Variants in VTI1A observed in about 807,000 individuals in gnomAD.
The protein encoded by VTI1A is vesicle transport through interaction with t-SNAREs homolog 1A.
In VTI1A, 22 loss-of-function variants were observed where a neutral mutation model predicts 34.9. The ratio of observed to expected loss-of-function variants is 0.63; its 90% confidence interval spans 0.45 to 0.90. The LOEUF (loss-of-function observed/expected upper bound fraction) is 0.90. Among genes scored for constraint, VTI1A ranks in the 40% least tolerant of loss-of-function variants. The pLI is 0.00. For missense variants in VTI1A, 268 were observed against 275.6 expected (o/e 0.97, Z 0.20); for synonymous variants, 87 against 97.3 (o/e 0.89, Z 0.62).
chr10:112,567,650 A>G (rs1851954951), intron 5 of VTI1A, among the ~76,000 whole-genome samples: 1 of 152,210 alleles, frequency 6.6e-6, no homozygotes, highest in African/African-American at 2.4e-5. Flanking sequence ...AGCTAAAACT[A>G]TGGCTTAGGA....
intron 3 of VTI1A, among the ~76,000 whole-genome samples, chr10:112,501,341 AT>A (rs1849225550): frequency 6.6e-6 from 1 of 152,124 alleles, no homozygotes; most frequent in African/African-American, 2.4e-5. Context: ...TCATCATAAC[AT>A]TTTCAGTTTT....
At chr10:112,537,311 GTATATATA>G (rs10682533) in intron 4 of VTI1A, among the ~76,000 whole-genome samples, 973 of 65,280 alleles carry the variant, frequency 0.015, 91 homozygotes, top group Admixed American at 0.035. Flanking sequence ...AAGTATCTAG[GTATATATA>G]TATATATATA....
downstream of VTI1A, among the ~76,000 whole-genome samples, chr10:112,821,748 C>G (rs1045816122): frequency 2.6e-5 from 4 of 152,190 alleles, no homozygotes; most frequent in Admixed American, 2.6e-4. Flanking sequence ...GGGACTGTTG[C>G]AAAATTCAAC....
At chr10:112,841,940 G>A in the VTI1A span, among the ~76,000 whole-genome samples, 11 of 151,970 alleles carry the variant, frequency 7.2e-5, no homozygotes, top group Non-Finnish European at 1.6e-4. Context: ...AAGGCCGGTG[G>A]AGGCAAGAGA....
At position 112,811,625 on chromosome 10, in the gene VTI1A, A is replaced by G. The variant is rs193127281; in HGVS notation, c.561-3665A>G. On this transcript the variant is annotated intron_variant, in intron 7 of 7. Coordinates refer to ENST00000393077, the MANE Select transcript of VTI1A (RefSeq NM_145206.4). ...CGTGAGCCCGGGAGGCGGAGCTTGCAGTGAGCCGAGATTGCGCCACTGCAC... is the reference window on the plus strand; with the variant it reads ...CGTGAGCCCGGGAGGCGGAGCTTGCGGTGAGCCGAGATTGCGCCACTGCAC... Among the ~76,000 whole-genome samples, 398 of 139,012 alleles carry G rather than the reference A, an allele frequency of 2.9e-3. 3 individuals carry two copies. Among genetic ancestry groups the G allele is most frequent in the African/African-American group, 9.7e-3 (365 of 37,526 alleles). 91.2% of individuals were successfully genotyped at this position (139,012 alleles called of 152,430 possible).
chr10:112,752,284 G>GC, intron 7 of VTI1A: 1 of 846,528 alleles, frequency 1.2e-6, no homozygotes. Context: ...CCTGGCTCCA[G>GC]CCAGGGTCCC....
chr10:112,595,296 C>A (rs1844583526), intron 5 of VTI1A, among the ~76,000 whole-genome samples: 1 of 148,692 alleles, frequency 6.7e-6, no homozygotes, highest in South Asian at 2.2e-4. Context: ...GCAACAAAAG[C>A]CAAAATTGAC....
intron 5 of VTI1A, among the ~76,000 whole-genome samples, chr10:112,597,227 G>T (rs891101687): frequency 6.6e-6 from 1 of 151,924 alleles, no homozygotes; most frequent in Non-Finnish European, 1.5e-5. Flanking sequence ...TTGTTTGTTT[G>T]TTTTTTTGAG....
chr10:112,831,341 T>C, the VTI1A span: 10 of 152,394 alleles, frequency 6.6e-5, no homozygotes, highest in African/African-American at 2.2e-4. Flanking sequence ...ACTTTCCTCC[T>C]GGACAAGAGG....
chr10:112,519,640 G>C (rs530882462), intron 3 of VTI1A, among the ~76,000 whole-genome samples: 7 of 152,102 alleles, frequency 4.6e-5, no homozygotes, highest in Non-Finnish European at 1.0e-4. Context: ...CTGTTGTGGC[G>C]GTGTAATAAA....
Position 112,785,269 on chromosome 10 carries a change from G to C in VTI1A, c.561-30021G>C, listed in dbSNP as rs559774891. On this transcript the variant is annotated intron_variant, in intron 7 of 7. Coordinates refer to ENST00000393077, the MANE Select transcript of VTI1A (RefSeq NM_145206.4). ...CTCCCCAGGAGCCTTCCTGAAGGCA[G>C]CCATTCCTTCAGAATCCTTGTCAGA... Among the ~76,000 whole-genome samples the C allele has an allele frequency of 7.2e-5, 11 of 152,350 alleles. No individual in the cohort carries two copies. In the South Asian group the frequency reaches 2.3e-3, roughly 32 times the overall value.
chr10:112,593,898 G>A (rs990078535), intron 5 of VTI1A, among the ~76,000 whole-genome samples: 6 of 77,762 alleles, frequency 7.7e-5, no homozygotes, highest in Admixed American at 2.8e-4. Context: ...CACCACGCCC[G>A]GCTAATTTTT....
At chr10:112,819,376 C>T (rs1276097633), downstream of VTI1A, among the ~76,000 whole-genome samples, 1 of 152,030 alleles carries the variant, frequency 6.6e-6, no homozygotes, top group Non-Finnish European at 1.5e-5. Context: ...TGGTTGTGGT[C>T]AGCGCTGGTT....
chr10:112,828,014 C>A, the VTI1A span, among the ~76,000 whole-genome samples: 1 of 152,194 alleles, frequency 6.6e-6, no homozygotes, highest in Non-Finnish European at 1.5e-5. Flanking sequence ...GGATAACCTA[C>A]TGATCTCCTC....
chr10:112,781,461 C>A (rs1442541357), intron 7 of VTI1A, among the ~76,000 whole-genome samples: 2 of 152,122 alleles, frequency 1.3e-5, no homozygotes, highest in East Asian at 3.9e-4. Context: ...AGTGTGTGGT[C>A]CTGAAGCTAG....
intron 7 of VTI1A, among the ~76,000 whole-genome samples, chr10:112,792,785 T>C (rs1292982380): frequency 6.6e-6 from 1 of 152,182 alleles, no homozygotes; most frequent in Non-Finnish European, 1.5e-5. Context: ...AAAAAAAGTT[T>C]TTTTGAACTG....
At chr10:112,505,695 A>G (rs1415443408) in intron 3 of VTI1A, among the ~76,000 whole-genome samples, 4 of 144,034 alleles carry the variant, frequency 2.8e-5, no homozygotes, top group African/African-American at 5.2e-5. Context: ...TTTTTTTGAG[A>G]TGGGGTCTTG....
chr10:112,575,818 T>C (rs1288113639), intron 5 of VTI1A, among the ~76,000 whole-genome samples: 4 of 152,018 alleles, frequency 2.6e-5, no homozygotes, highest in African/African-American at 7.2e-5. Flanking sequence ...CCTGATAGAC[T>C]TCATATTTTT....
At chr10:112,651,279 A>T (rs1847005786) in intron 5 of VTI1A, among the ~76,000 whole-genome samples, 1 of 152,212 alleles carries the variant, frequency 6.6e-6, no homozygotes, top group Non-Finnish European at 1.5e-5. Flanking sequence ...ATTGGTAGAA[A>T]AATATTGCCA....
Sources: allele counts gnomAD v4.1 joint callset (sites outside exome capture counted in the v4.1 genomes callset), GRCh38; gene constraint gnomAD v4.1.1; transcripts MANE v1.5; gene names NCBI Gene and HGNC (gene_info 2026-07-23, HGNC 2026-07-21).